The following BPTF variants were observed in gnomAD, a reference collection of about 807,000 sequenced individuals.
The protein encoded by BPTF is nucleosome-remodeling factor subunit BPTF.
A neutral mutation model predicts 292.5 loss-of-function variants in BPTF; 18 were observed. That is an observed-to-expected ratio of 0.06 (90% CI 0.04 to 0.09). The LOEUF (loss-of-function observed/expected upper bound fraction) is 0.09, where lower values mean the gene tolerates loss of function less well. BPTF is among the 10% of genes least tolerant of loss of function. BPTF has a pLI of 1.00. For missense variants in BPTF, 2,726 were observed against 3,498.7 expected, an observed-to-expected ratio of 0.78 and a Z score of 5.57; for synonymous variants, 1,225 against 1,251.9, an observed-to-expected ratio of 0.98 and a Z score of 0.45.
At position 67,910,984 on chromosome 17, in the gene BPTF, T is replaced by G. The variant is rs745543931; in HGVS notation, c.3100T>G (p.Ser1034Ala). ...TESHVNCQES[S>A]QVDVVNVSEG... ...GTCACATGTAAATTGTCAGGAGAGT[T>G]CTCAAGTAGATGTGGTCAATGTTAG... The change falls in exon 11 of 28, where the codon TCT (serine) becomes GCT (alanine). Residue 1034 changes from serine to alanine, a missense_variant. Around this residue, in one of 22 missense-constraint regions of BPTF, gnomAD observed 713 missense variants for 714.9 expected, o/e 1.00. Transcript: ENST00000306378. 1 of 1,614,040 alleles carries G rather than the reference T, an allele frequency of 6.2e-7. No individual in the cohort carries two copies. Among genetic ancestry groups the G allele is most frequent in the Non-Finnish European group, 8.5e-7 (1 of 1,179,972 alleles).
chr17:67,944,458 A>C (rs1598823468), intron 20 of BPTF, 86 bp downstream of exon 20: 5 of 1,444,730 alleles, frequency 3.5e-6, no homozygotes, highest in Admixed American at 3.6e-5. Flanking sequence ...ACCAGTATTT[A>C]CCTTTGGAAG....
intron 24 of BPTF, 89 bp downstream of exon 24, chr17:67,959,964 AT>A: frequency 1.0e-6 from 1 of 997,884 alleles, no homozygotes; most frequent in Non-Finnish European, 1.4e-6. Flanking sequence ...TTTGGGAGTG[AT>A]ATAAATGAAA....
chr17:67,893,548 A>G lies in BPTF; in HGVS notation c.2234A>G (p.His745Arg), dbSNP rs1368365870. The change falls in exon 6 of 28, where the codon CAT becomes CGT. Residue 745 changes from histidine to arginine, a missense_variant. Physicochemically the swap from His to Arg is conservative, Grantham distance 29. Transcript: ENST00000306378. The stretch of plus-strand genomic sequence containing the variant: ...AATAAGCACCAGCACAGAGAAGACC[A>G]TGATAAGAGAAGGCATCTTGCACAT... ...ALNKHQHRED[H>R]DKRRHLAHKF... 3 of 1,614,174 alleles carry G rather than the reference A, an allele frequency of 1.9e-6. No homozygotes were observed. Among genetic ancestry groups the G allele is most frequent in the Non-Finnish European group, 1.7e-6 (2 of 1,180,012 alleles).
At chr17:67,843,736 A>G (rs1387900078) in intron 1 of BPTF, among the ~76,000 whole-genome samples, 1 of 132,502 alleles carries the variant, frequency 7.5e-6, no homozygotes, top group Non-Finnish European at 1.6e-5. Context: ...AGATTTTTAA[A>G]TTGTCTGGAG....
chr17:67,886,172 A>G (rs749502996), intron 4 of BPTF: 3 of 1,613,172 alleles, frequency 1.9e-6, no homozygotes, highest in Middle Eastern at 1.6e-4. Flanking sequence ...TAGTGCTACC[A>G]CTACCTCCAT....
Position 67,959,405 on chromosome 17 carries a change from CAACT to C in BPTF, c.7927-129_7927-126del, listed in dbSNP as rs1333305647. The C allele has an allele frequency of 2.1e-5, 13 of 608,130 alleles. 1 individual carries two copies. The South Asian group carries it at 4.2e-4, about 20-fold the overall frequency. The allele number at this position is 608,130 out of a possible 1,614,324, so 37.7% of individuals were successfully genotyped here. ...TAAGATATAAGAAAACTCTTGTTTG[CAACT>C]AACTAAAACTCTCACGTTAGGCTGA... On this transcript the variant is annotated intron_variant, in intron 23 of 27. Transcript: ENST00000306378.
chr17:67,932,595 G>A (rs941705465), intron 18 of BPTF, among the ~76,000 whole-genome samples: 1 of 152,178 alleles, frequency 6.6e-6, no homozygotes, highest in Admixed American at 6.5e-5. Flanking sequence ...CAGCTACTTG[G>A]GAGGCCGAGG....
chr17:67,841,878 C>G (rs1192690269), intron 1 of BPTF, among the ~76,000 whole-genome samples: 1 of 151,746 alleles, frequency 6.6e-6, no homozygotes, highest in Non-Finnish European at 1.5e-5. Flanking sequence ...GGGGTTTCTT[C>G]TGTTTCTTTT....
At chr17:67,922,381 C>T (rs1289400732) in intron 13 of BPTF, among the ~76,000 whole-genome samples, 3 of 152,122 alleles carry the variant, frequency 2.0e-5, no homozygotes, top group African/African-American at 4.8e-5. Flanking sequence ...TCTCAAATCC[C>T]CCTTCTCTGT....
chr17:67,964,343 T>C lies in BPTF; in HGVS notation c.8393T>C (p.Val2798Ala). ...CAGTCAACAGAGGATGCCATGACAG[T>C]GCTCACGCCACTAACAGAGAAGGAT... is the stretch of plus-strand genomic sequence containing the variant. Reference protein sequence around the residue: ...QCQSTEDAMTVLTPLTEKDYE... With the variant: ...QCQSTEDAMTALTPLTEKDYE... Residue 2798 changes from valine to alanine, a missense_variant, in exon 25 of 28, where the codon GTG becomes GCG. Around this residue, in one of 22 missense-constraint regions of BPTF, gnomAD observed 48 missense variants for 114.2 expected, o/e 0.42. Coordinates refer to ENST00000306378, the MANE Select transcript of BPTF (RefSeq NM_182641.4). The C allele has an allele frequency of 6.2e-7, 1 of 1,614,178 alleles. No homozygotes were observed.
At chr17:67,838,642 A>G (rs995074665) in intron 1 of BPTF, among the ~76,000 whole-genome samples, 2 of 152,080 alleles carry the variant, frequency 1.3e-5, no homozygotes, top group African/African-American at 2.4e-5. Context: ...ATGCCTGGCT[A>G]GTTTTTTATA....
rs60083535 is a variant in BPTF at position 67,925,992 on chromosome 17, C to CTTTTTTT, written c.5751+1427_5751+1433dup. ...CTCTGCAATGTAACCTAACATATTA[C>CTTTTTTT]TTTTTTTTTTTTTTTTTTTTTTTTT... On this transcript the variant is annotated intron_variant, in intron 15 of 27. Transcript: ENST00000306378. 6.7e-4 allele frequency among the ~76,000 whole-genome samples: 38 copies of CTTTTTTT among 56,658 alleles called. 2 individuals carry two copies. The highest frequency in any genetic ancestry group is 8.9e-4 in the Non-Finnish European group (28 of 31,430). The allele number at this position is 56,658 out of a possible 152,430, so 37.2% of individuals were successfully genotyped here.
Position 67,945,520 on chromosome 17 carries a change from A to G in BPTF, c.6812A>G (p.Gln2271Arg). 6.2e-7 allele frequency: 1 copy of G among 1,614,056 alleles called. No individual in the cohort carries two copies. Among genetic ancestry groups the G allele is most frequent in the Non-Finnish European group, 8.5e-7 (1 of 1,180,002 alleles). ...SSVGPAEAQP[Q>R]TAQPSAQPQP... ...GTGGGTCCAGCAGAAGCCCAGCCAC[A>G]GACTGCTCAGCCTTCAGCTCAGCCC... The change falls in exon 21 of 28, where the codon CAG becomes CGG. Residue 2271 changes from glutamine (Q) to arginine (R), a missense_variant. Transcript: ENST00000306378.
intron 3 of BPTF, among the ~76,000 whole-genome samples, chr17:67,874,576 T>A (rs983913799): frequency 4.6e-5 from 7 of 152,202 alleles, no homozygotes; most frequent in African/African-American, 1.2e-4. Context: ...TTACTTTTTT[T>A]AAAAAGTAGA....
At chr17:67,839,867 G>A (rs1428342289) in intron 1 of BPTF, among the ~76,000 whole-genome samples, 1 of 152,132 alleles carries the variant, frequency 6.6e-6, no homozygotes, top group African/African-American at 2.4e-5. Context: ...GTTTTCCAAA[G>A]TAGCTGTACC....
intron 17 of BPTF, among the ~76,000 whole-genome samples, chr17:67,929,714 T>G (rs1364644139): frequency 3.3e-5 from 5 of 152,244 alleles, no homozygotes; most frequent in African/African-American, 7.2e-5. Flanking sequence ...TTATGAAGAA[T>G]AATAATTGCT....
rs746288395 is a variant in BPTF, at chr17:67,911,450, T to G, written c.3566T>G (p.Ile1189Arg). The change falls in exon 11 of 28, where the codon ATA becomes AGA. Residue 1189 changes from isoleucine to arginine, a missense_variant. Coordinates refer to ENST00000306378, the MANE Select transcript of BPTF (RefSeq NM_182641.4). ...CPKQNSIEND[I>R]EEKVSDLASR... ...AAACAAAATTCCATTGAAAATGACA[T>G]AGAAGAAAAAGTCTCTGACCTTGCC... is the stretch of plus-strand genomic sequence containing the variant. 1 of 1,614,050 alleles carries G rather than the reference T, an allele frequency of 6.2e-7. No individual in the cohort carries two copies. Among genetic ancestry groups the G allele is most frequent in the Non-Finnish European group, 8.5e-7 (1 of 1,179,988 alleles).
intron 4 of BPTF, among the ~76,000 whole-genome samples, chr17:67,878,168 A>C (rs2060163260): frequency 6.6e-6 from 1 of 152,198 alleles, no homozygotes; most frequent in African/African-American, 2.4e-5. Context: ...GATGCCTGAT[A>C]GCTTTTTTCC....
intron 2 of BPTF, among the ~76,000 whole-genome samples, chr17:67,858,122 A>T (rs1191419053): frequency 1.3e-5 from 2 of 152,240 alleles, no homozygotes; most frequent in African/African-American, 4.8e-5. Flanking sequence ...AGAAGGTTTC[A>T]GGAGGGAACA....
Sources: gnomAD v4.1 joint callset for allele counts (sites outside exome capture counted in the v4.1 genomes callset) on GRCh38, gnomAD v4.1.1 for gene constraint, gnomAD v4.1.1 regional missense constraint, MANE v1.5 for transcripts, NCBI Gene and HGNC (gene_info 2026-07-23, HGNC 2026-07-21) for gene names.